The following ASCC2 variants were observed in gnomAD, a reference collection of about 807,000 sequenced individuals.
ASCC2 encodes the protein ASC-1 complex subunit P100.
A neutral mutation model predicts 93.5 loss-of-function variants in ASCC2; 42 were observed. The ratio of observed to expected loss-of-function variants is 0.45; its 90% CI spans 0.35 to 0.58. ASCC2 has a LOEUF of 0.58. ASCC2 is among the 20% of genes least tolerant of loss of function. ASCC2 has a pLI of 0.00. For missense variants in ASCC2, 859 were observed against 977.6 expected, an observed-to-expected ratio of 0.88 and a Z score of 1.62; for synonymous variants, 364 against 384.2, an observed-to-expected ratio of 0.95 and a Z score of 0.62.
chr22:29,793,806 A>G, intron 15 of ASCC2, 130 bp from the exon 16 acceptor site: 1 of 842,178 alleles, frequency 1.2e-6, no homozygotes, highest in Non-Finnish European at 1.8e-6. Flanking sequence ...AATGAAATCA[A>G]GCATTGGTGA....
At chr22:29,830,077 C>G (rs888569768) in intron 2 of ASCC2, among the ~76,000 whole-genome samples, 3 of 152,174 alleles carry the variant, frequency 2.0e-5, no homozygotes, top group African/African-American at 7.2e-5. Context: ...AGGCAGCTGT[C>G]TCCCTCAACT....
chr22:29,788,868 G>A lies in ASCC2; in HGVS notation c.*145C>T, dbSNP rs977701126. 5.2e-6 allele frequency: 5 copies of A among 956,780 alleles called. No individual in the cohort carries two copies. The highest frequency in any genetic ancestry group is 7.9e-6 in the Non-Finnish European group (5 of 631,156). 59.3% of individuals were successfully genotyped at this position (956,780 alleles called of 1,614,324 possible). A position where few individuals can be genotyped will look rare whatever the true frequency, so the allele number is the denominator to read the frequency against. ...GCGCTCATGGCTGGCTGGTAGATGAGAGGCGGCCTTCTCAGGGGCTGCAAA... is the reference window on the plus strand; with the variant it reads ...GCGCTCATGGCTGGCTGGTAGATGAAAGGCGGCCTTCTCAGGGGCTGCAAA... On this transcript the variant is annotated 3_prime_UTR_variant, in exon 20 of 20. Transcript: ENST00000307790.
At chr22:29,832,891 C>T (rs180692624) in intron 1 of ASCC2, among the ~76,000 whole-genome samples, 1 of 152,164 alleles carries the variant, frequency 6.6e-6, no homozygotes. Flanking sequence ...CAGGCATGCA[C>T]CACTACGGCC....
intron 15 of ASCC2, chr22:29,799,221 G>A (rs1294943824): frequency 6.6e-6 from 1 of 152,264 alleles, no homozygotes; most frequent in Non-Finnish European, 1.5e-5. Flanking sequence ...ATTGGAGCAG[G>A]GGGCCAGGCT....
At position 29,827,683 on chromosome 22, in the gene ASCC2, T is replaced by TTCC. The variant is rs1381455077; in HGVS notation, c.82-1906_82-1904dup. 2.6e-5 allele frequency: 12 copies of TTCC among 455,764 alleles called. No individual in the cohort carries two copies. The East Asian group carries it at 7.8e-4, about 29-fold the overall frequency. The allele number at this position is 455,764 out of a possible 1,614,324, so 28.2% of individuals were successfully genotyped here. A position where few individuals can be genotyped will look rare whatever the true frequency, so the allele number is the denominator to read the frequency against. On this transcript the variant is annotated intron_variant, in intron 2 of 19. Transcript: ENST00000307790. The stretch of plus-strand genomic sequence containing the variant: ...AAATACATCTCCTTGGTTTCCAAGC[T>TTCC]TCCTCCCTCTTCTATCTGTTGGCAC...
At chr22:29,797,576 T>C (rs1333885051) in intron 15 of ASCC2, among the ~76,000 whole-genome samples, 1 of 152,176 alleles carries the variant, frequency 6.6e-6, no homozygotes, top group Admixed American at 6.5e-5. Context: ...TAAGTCTCAG[T>C]TCCTTCTCTT....
Position 29,825,142 on chromosome 22 carries a change from A to G in ASCC2, c.356T>C (p.Leu119Pro). Residue 119 changes from leucine (L) to proline (P), a missense_variant, in exon 4 of 20, where the codon CTC becomes CCC. Transcript: ENST00000307790. The surrounding 1 kb of genome is among the most constrained non-coding windows in gnomAD (Gnocchi z 4.9). ...APEVVDMQKR[L>P]HRSVFLTFLR... ...GAAGGTGAGAAAAACACTTCGATGG[A>G]GGCGCTTCTGCATGTCAACAACCTC... 6.5e-7 allele frequency: 1 copy of G among 1,547,816 alleles called. No homozygotes were observed. The highest frequency in any genetic ancestry group is 8.7e-7 in the Non-Finnish European group (1 of 1,148,680).
chr22:29,825,853 A>G lies in ASCC2; in HGVS notation c.82-73T>C. The stretch of plus-strand genomic sequence containing the variant: ...AGGGCCCATTTGCCAACCCACAGCA[A>G]TGACAACACTTGGCTGTTCCAACCG... On this transcript the variant is annotated intron_variant, in intron 2 of 19. Coordinates refer to ENST00000307790, the MANE Select transcript of ASCC2 (RefSeq NM_032204.5). The surrounding 1 kb of genome is among the most constrained non-coding windows in gnomAD (Gnocchi z 4.9). 6.6e-7 allele frequency: 1 copy of G among 1,526,026 alleles called. No homozygotes were observed. Among genetic ancestry groups the G allele is most frequent in the East Asian group, 2.3e-5 (1 of 44,116 alleles). 94.5% of individuals were successfully genotyped at this position (1,526,026 alleles called of 1,614,324 possible). A position where few individuals can be genotyped will look rare whatever the true frequency, so the allele number is the denominator to read the frequency against.
At chr22:29,790,140 C>T (rs1012805649) in intron 19 of ASCC2, among the ~76,000 whole-genome samples, 4 of 152,166 alleles carry the variant, frequency 2.6e-5, no homozygotes, top group African/African-American at 9.7e-5. Context: ...ATCAGCTAGC[C>T]CTGGACACGC....
At chr22:29,792,389 A>T in intron 18 of ASCC2, 44 bp downstream of exon 18, 1 of 1,609,840 alleles carries the variant, frequency 6.2e-7, no homozygotes. Flanking sequence ...TTCACCCCTC[A>T]GAACTGCACT....
chr22:29,796,440 C>T (rs2058450407), intron 15 of ASCC2, among the ~76,000 whole-genome samples: 1 of 152,062 alleles, frequency 6.6e-6, no homozygotes, highest in Non-Finnish European at 1.5e-5. Context: ...ATGTGCTGAA[C>T]GGAAGCCCTG....
intron 5 of ASCC2, among the ~76,000 whole-genome samples, chr22:29,819,954 G>A (rs148801731): frequency 6.6e-6 from 1 of 151,962 alleles, no homozygotes; most frequent in Non-Finnish European, 1.5e-5. Flanking sequence ...CAACATCCTA[G>A]GTTCAAGGCA....
At chr22:29,798,016 C>T (rs763480709) in intron 15 of ASCC2, among the ~76,000 whole-genome samples, 13 of 152,210 alleles carry the variant, frequency 8.5e-5, no homozygotes, top group Non-Finnish European at 1.5e-4. Context: ...ATCCACCCAC[C>T]TTGGCCTCCC....
intron 19 of ASCC2, among the ~76,000 whole-genome samples, chr22:29,790,171 G>T (rs1031243217): frequency 2.0e-5 from 3 of 152,158 alleles, no homozygotes; most frequent in Non-Finnish European, 4.4e-5. Flanking sequence ...ATCCCCTCCT[G>T]TGTTCACCAA....
chr22:29,831,249 C>A (rs1318561384), intron 2 of ASCC2, among the ~76,000 whole-genome samples: 3 of 152,152 alleles, frequency 2.0e-5, no homozygotes, highest in Non-Finnish European at 4.4e-5. Flanking sequence ...AAATGAGAGG[C>A]TTTATAGCAG....
rs529205319 is a variant in ASCC2 at position 29,813,390 on chromosome 22, G to A, written c.833+40C>T. Reference sequence around the variant, plus strand: ...AAATATTTGTTAAATTAGTACATAAGCCAGTATCTCTATTTCAACAGCCAG... The same window carrying A: ...AAATATTTGTTAAATTAGTACATAAACCAGTATCTCTATTTCAACAGCCAG... On this transcript the variant is annotated intron_variant, in intron 8 of 19. Coordinates refer to ENST00000307790, the MANE Select transcript of ASCC2 (RefSeq NM_032204.5). The A allele has an allele frequency of 9.0e-6, 12 of 1,331,198 alleles. No homozygotes were observed. In the South Asian group the frequency reaches 1.4e-4, roughly 16 times the overall value. The allele number at this position is 1,331,198 out of a possible 1,614,324, so 82.5% of individuals were successfully genotyped here.
intron 1 of ASCC2, among the ~76,000 whole-genome samples, chr22:29,837,299 G>A (rs1261132305): frequency 6.6e-6 from 1 of 152,036 alleles, no homozygotes; most frequent in African/African-American, 2.4e-5. Context: ...AGGGCGTGGT[G>A]GTGCATGCCT....
chr22:29,820,580 T>C (rs1406730028), intron 5 of ASCC2, among the ~76,000 whole-genome samples: 1 of 152,138 alleles, frequency 6.6e-6, no homozygotes, highest in Non-Finnish European at 1.5e-5. Flanking sequence ...GCTTTCCTGC[T>C]TCACTATACT....
intron 7 of ASCC2, 111 bp downstream of exon 7, chr22:29,814,546 G>A (rs1602043725): frequency 2.5e-6 from 2 of 788,884 alleles, no homozygotes; most frequent in East Asian, 5.9e-5. Flanking sequence ...GCCCTGGGCA[G>A]GGAAGAGGCC....
Sources: gnomAD v4.1 joint callset for allele counts (sites outside exome capture counted in the v4.1 genomes callset) on GRCh38, gnomAD v4.1.1 for gene constraint, Gnocchi (gnomAD v3.1) non-coding constraint, MANE v1.5 for transcripts, NCBI Gene and HGNC (gene_info 2026-07-23, HGNC 2026-07-21) for gene names.